CNTLN: variants seen among roughly 807,000 people sequenced by gnomAD.
The protein encoded by CNTLN is centlein, centrosomal protein.
A neutral mutation model predicts 180.0 loss-of-function variants in CNTLN; 212 were observed. The ratio of observed to expected loss-of-function variants is 1.18; its 90% CI spans 1.05 to 1.32. The LOEUF is 1.32. CNTLN is among the 40% of genes most tolerant of loss of function. The pLI, the probability that CNTLN is intolerant of heterozygous loss-of-function variation, is 0.00. For synonymous variants in CNTLN, 722 were observed against 563.1 expected, an observed-to-expected ratio of 1.28 and a Z score of -3.99; for missense variants, 2,095 against 1,610.9, an observed-to-expected ratio of 1.30 and a Z score of -5.14.
chr9:17,206,697 A>G (rs1257419136), intron 2 of CNTLN, among the ~76,000 whole-genome samples: 3 of 152,160 alleles, frequency 2.0e-5, no homozygotes, highest in African/African-American at 4.8e-5. Flanking sequence ...TCAATTGACC[A>G]TTTGAACTCA....
At chr9:17,241,807 T>C (rs1825509364) in intron 5 of CNTLN, among the ~76,000 whole-genome samples, 1 of 152,208 alleles carries the variant, frequency 6.6e-6, no homozygotes, top group African/African-American at 2.4e-5. Context: ...ATTTTATTTG[T>C]AGCTATCATA....
At chr9:17,138,189 A>G (rs1394936756) in intron 1 of CNTLN, among the ~76,000 whole-genome samples, 1 of 152,158 alleles carries the variant, frequency 6.6e-6, no homozygotes, top group Non-Finnish European at 1.5e-5. Flanking sequence ...TCTGTTTGTG[A>G]TAAAGGATGC....
chr9:17,416,209 T>C lies in CNTLN; in HGVS notation c.3114+20T>C. On this transcript the variant is annotated intron_variant, in intron 18 of 25. Coordinates refer to ENST00000380647, the MANE Select transcript of CNTLN (RefSeq NM_017738.4). ...ATAAAGGTAAAGAGAACTTTAAGAT[T>C]GAACAGTAGTATACTATATTGTAAA... The C allele has an allele frequency of 1.9e-6, 3 of 1,558,192 alleles. No homozygotes were observed. The highest frequency in any genetic ancestry group is 2.6e-6 in the Non-Finnish European group (3 of 1,133,034).
chr9:17,177,423 T>A lies in CNTLN; in HGVS notation c.449+34047T>A, dbSNP rs1382241500. On this transcript the variant is annotated intron_variant, in intron 2 of 25. Coordinates refer to ENST00000380647, the MANE Select transcript of CNTLN (RefSeq NM_017738.4). ...GACTCTGTCTCAAAAAAAAAAAAAT[T>A]ATTTTCAGTTTCTTGAAGTGGAAAT... is the stretch of plus-strand genomic sequence containing the variant. Among the ~76,000 whole-genome samples the A allele has an allele frequency of 4.6e-5, 7 of 151,778 alleles. 1 individual carries two copies. The South Asian group carries it at 1.5e-3, about 32-fold the overall frequency.
intron 6 of CNTLN, among the ~76,000 whole-genome samples, chr9:17,290,099 G>T (rs9407804): frequency 0.2 from 30,267 of 152,030 alleles, 3,739 homozygotes; most frequent in African/African-American, 0.34. Context: ...ATTTAAGAGT[G>T]TCTAGTTTTT....
intron 2 of CNTLN, among the ~76,000 whole-genome samples, chr9:17,182,213 C>G (rs1821167938): frequency 6.6e-6 from 1 of 151,204 alleles, no homozygotes; most frequent in East Asian, 1.9e-4. Context: ...TGGTTAATGT[C>G]TAAAAGTTTT....
At chr9:17,454,739 C>G (rs1831011784) in intron 18 of CNTLN, among the ~76,000 whole-genome samples, 2 of 152,174 alleles carry the variant, frequency 1.3e-5, no homozygotes, top group Non-Finnish European at 2.9e-5. Flanking sequence ...CAAGCACCAT[C>G]TCTTTTTAAA....
At chr9:17,266,677 C>G (rs554790777) in intron 5 of CNTLN, among the ~76,000 whole-genome samples, 1 of 152,092 alleles carries the variant, frequency 6.6e-6, no homozygotes, top group African/African-American at 2.4e-5. Flanking sequence ...GAGTCTAAGT[C>G]TCTTTGTAGG....
At chr9:17,366,758 A>C (rs1295776831) in intron 13 of CNTLN, 41 bp downstream of exon 13, 1 of 1,076,482 alleles carries the variant, frequency 9.3e-7, no homozygotes, top group Admixed American at 2.3e-5. Flanking sequence ...AGGAATTTTA[A>C]AATTGTGTAA....
At chr9:17,340,001 T>G (rs2133198154) in intron 10 of CNTLN, among the ~76,000 whole-genome samples, 1 of 151,728 alleles carries the variant, frequency 6.6e-6, no homozygotes, top group Admixed American at 6.6e-5. Context: ...AAAAATAAAA[T>G]AAAAAATTGG....
At chr9:17,517,214 C>A in the CNTLN span, among the ~76,000 whole-genome samples, 1 of 151,874 alleles carries the variant, frequency 6.6e-6, no homozygotes, top group East Asian at 1.9e-4. Flanking sequence ...CATGGTGAAA[C>A]CCCGTCTCTA....
chr9:17,450,660 G>A (rs901504974), intron 18 of CNTLN, among the ~76,000 whole-genome samples: 2 of 152,136 alleles, frequency 1.3e-5, no homozygotes, highest in Non-Finnish European at 2.9e-5. Context: ...AAGCATTGGT[G>A]AAAAGTCCTC....
At chr9:17,255,657 C>G (rs1262533379) in intron 5 of CNTLN, among the ~76,000 whole-genome samples, 2 of 151,692 alleles carry the variant, frequency 1.3e-5, no homozygotes, top group Non-Finnish European at 1.5e-5. Context: ...GCGTTGGTAT[C>G]AGGATGATGC....
At position 17,462,945 on chromosome 9, in the gene CNTLN, A is replaced by G. The variant is rs1295060807; in HGVS notation, c.3336A>G (p.Ser1112=). The change falls in exon 20 of 26, where the codon TCA becomes TCG. Residue 1112 remains serine, a synonymous_variant. Transcript: ENST00000380647. ...KNATNELTKQ[S]SNVKTLKFEL... is the part of the protein sequence containing the mutation. ...CTACTAATGAACTCACTAAACAGTC[A>G]TCAAATGTGAAGACTTTGAAATTTG... The G allele has an allele frequency of 1.9e-6, 3 of 1,578,674 alleles. No homozygotes were observed. Among genetic ancestry groups the G allele is most frequent in the Admixed American group, 1.9e-5 (1 of 51,932 alleles).
chr9:17,390,232 C>A (rs1250832421), intron 14 of CNTLN, among the ~76,000 whole-genome samples: 1 of 96,514 alleles, frequency 1.0e-5, no homozygotes, highest in Admixed American at 1.3e-4. Context: ...TTGAAAAGAG[C>A]CTCTTTTTTT....
At chr9:17,142,101 A>G (rs113634591) in intron 1 of CNTLN, among the ~76,000 whole-genome samples, 7,217 of 151,270 alleles carry the variant, frequency 0.048, 211 homozygotes, top group East Asian at 0.17. Context: ...AAAAAAAAAA[A>G]AAGAAGAATA....
chr9:17,448,316 T>TG (rs368061941), intron 18 of CNTLN: 16 of 152,602 alleles, frequency 1.0e-4, no homozygotes, highest in African/African-American at 3.8e-4. Context: ...CTCAATGAGA[T>TG]TTTTAGCCTT....
At chr9:17,250,591 G>A (rs1215567143) in intron 5 of CNTLN, among the ~76,000 whole-genome samples, 1 of 152,082 alleles carries the variant, frequency 6.6e-6, no homozygotes, top group East Asian at 1.9e-4. Flanking sequence ...GATACAAAGT[G>A]TTTTTGATAG....
intron 13 of CNTLN, among the ~76,000 whole-genome samples, chr9:17,378,052 T>C (rs1392227507): frequency 6.6e-6 from 1 of 152,254 alleles, no homozygotes; most frequent in East Asian, 1.9e-4. Context: ...GTTGTCTTTA[T>C]GTTAGATTAT....
Sources: gnomAD v4.1 joint callset for allele counts (sites outside exome capture counted in the v4.1 genomes callset) on GRCh38, gnomAD v4.1.1 for gene constraint, MANE v1.5 for transcripts, NCBI Gene and HGNC (gene_info 2026-07-23, HGNC 2026-07-21) for gene names.